Variants in MAP3K14 observed in about 807,000 individuals in gnomAD.
MAP3K14 encodes the protein NF-kappa-beta-inducing kinase.
A neutral mutation model predicts 99.2 loss-of-function variants in MAP3K14; 16 were observed. The observed-to-expected ratio is 0.16, with a 90% CI of 0.11 to 0.24. The LOEUF (loss-of-function observed/expected upper bound fraction) is 0.24. Ranked by LOEUF, MAP3K14 falls within the 10% of genes least tolerant of loss-of-function variation. The pLI is 1.00. For missense variants in MAP3K14, 784 were observed against 1,208.7 expected, an observed-to-expected ratio of 0.65 and a Z score of 5.21; for synonymous variants, 462 against 492.4, an observed-to-expected ratio of 0.94 and a Z score of 0.82.
intron 1 of MAP3K14, among the ~76,000 whole-genome samples, chr17:45,299,958 C>T (rs1051734452): frequency 1.6e-4 from 24 of 151,976 alleles, no homozygotes; most frequent in African/African-American, 4.4e-4. Flanking sequence ...GGCATGGTGG[C>T]GCGTGCCTGT....
At position 45,290,477 on chromosome 17, in the gene MAP3K14, C is replaced by T. The variant is rs754066171; in HGVS notation, c.256+13G>A. The T allele has an allele frequency of 1.2e-6, 2 of 1,613,808 alleles. No homozygotes were observed. Among genetic ancestry groups the T allele is most frequent in the East Asian group, 2.2e-5 (1 of 44,846 alleles). ...CCACCTGCCCCGTGCCCACAACAACCCTAGGCCCCTACACTCAGCCTGGGC... is the reference window on the plus strand; with the variant it reads ...CCACCTGCCCCGTGCCCACAACAACTCTAGGCCCCTACACTCAGCCTGGGC... On this transcript the variant is annotated intron_variant, in intron 2 of 15. Transcript: ENST00000344686.
Position 45,283,509 on chromosome 17 carries a change from A to C in MAP3K14, c.1290+1303T>G, listed in dbSNP as rs867486003. ...ATCCAGCCCAAGTACACACCAGGGA[A>C]GCCGGGTTTATTCACATCCCAGCTG... On this transcript the variant is annotated intron_variant, in intron 6 of 15. Coordinates refer to ENST00000344686, the MANE Select transcript of MAP3K14 (RefSeq NM_003954.5). Among the ~76,000 whole-genome samples, 8 of 152,286 alleles carry C rather than the reference A, an allele frequency of 5.3e-5. No homozygotes were observed. The Middle Eastern group carries it at 0.014, about 259-fold the overall frequency.
At chr17:45,275,937 T>C (rs2044176958) in intron 6 of MAP3K14, among the ~76,000 whole-genome samples, 2 of 151,838 alleles carry the variant, frequency 1.3e-5, no homozygotes, top group Admixed American at 1.3e-4. Flanking sequence ...AATTTTTGTA[T>C]TTTTTAGTAG....
chr17:45,303,590 G>A (rs1319154671), intron 1 of MAP3K14, among the ~76,000 whole-genome samples: 1 of 151,862 alleles, frequency 6.6e-6, no homozygotes, highest in Non-Finnish European at 1.5e-5. Flanking sequence ...CAAAATAATT[G>A]TTCATTGTAA....
In MAP3K14 at chr17:45,267,352, C is replaced by T. The variant is rs998510224; in HGVS notation, c.2326+54G>A. 5.0e-5 allele frequency: 76 copies of T among 1,511,364 alleles called. No homozygotes were observed. Among genetic ancestry groups the T allele is most frequent in the East Asian group, 1.7e-4 (7 of 40,856 alleles). 93.6% of individuals were successfully genotyped at this position (1,511,364 alleles called of 1,614,324 possible). The stretch of plus-strand genomic sequence containing the variant: ...AGGTAAAGAGAAACACCGGCCTCCG[C>T]GGGTGGCCCAGGGCCAGTGCTCAGG... On this transcript the variant is annotated intron_variant, in intron 12 of 15. Coordinates refer to ENST00000344686, the MANE Select transcript of MAP3K14 (RefSeq NM_003954.5). This position sits in a 1 kb window ranked among gnomAD's most constrained non-coding sequence, Gnocchi z 5.1.
chr17:45,305,237 C>G (rs2044422040), intron 1 of MAP3K14, among the ~76,000 whole-genome samples: 1 of 151,826 alleles, frequency 6.6e-6, no homozygotes, highest in South Asian at 2.1e-4. Context: ...AGCGGGACTA[C>G]AGGCACCCGC....
At position 45,271,226 on chromosome 17, in the gene MAP3K14, G is replaced by A; in HGVS notation, c.1658-5C>T. The A allele has an allele frequency of 1.2e-6, 2 of 1,601,548 alleles. No homozygotes were observed. The highest frequency in any genetic ancestry group is 1.7e-6 in the Non-Finnish European group (2 of 1,176,390). ...CTGTGCCAGGGATGTAGTCCCCTGA[G>A]AAGGGGGATGAGACATAAAGTTACC... On this transcript the variant is annotated splice_region_variant and splice_polypyrimidine_tract_variant and intron_variant, in intron 9 of 15. Transcript: ENST00000344686.
chr17:45,270,065 C>G (rs915150895), intron 11 of MAP3K14, among the ~76,000 whole-genome samples: 7 of 152,134 alleles, frequency 4.6e-5, no homozygotes, highest in Non-Finnish European at 1.0e-4. Context: ...TTAGAGGACA[C>G]CAAGCTAGTG....
Position 45,290,783 on chromosome 17 carries a change from C to A in MAP3K14, c.-20-18G>T. 2.5e-6 allele frequency: 4 copies of A among 1,597,832 alleles called. No individual in the cohort carries two copies. The highest frequency in any genetic ancestry group is 3.4e-6 in the Non-Finnish European group (4 of 1,168,712). On this transcript the variant is annotated intron_variant, in intron 1 of 15. Transcript: ENST00000344686. ...TGCTCATCCTGAGAGAGACCAAACA[C>A]AGAGCAGGTCACTTAGAATCCCAGA...
At chr17:45,307,960 C>G (rs1343458055) in intron 1 of MAP3K14, among the ~76,000 whole-genome samples, 2 of 152,208 alleles carry the variant, frequency 1.3e-5, no homozygotes, top group Non-Finnish European at 2.9e-5. Flanking sequence ...ACAAGCTGGA[C>G]CAAGTAACCA....
chr17:45,275,659 C>A (rs2044174134), intron 6 of MAP3K14, among the ~76,000 whole-genome samples: 1 of 151,904 alleles, frequency 6.6e-6, no homozygotes, highest in Non-Finnish European at 1.5e-5. Flanking sequence ...TTTTGCTTAT[C>A]AACATCCATG....
chr17:45,265,226 G>A lies in MAP3K14; in HGVS notation c.2616C>T (p.His872=). The part of the protein sequence containing the change: ...KVQIQSLNGE[H]LHIREFHRVK... ...CCCGGTGGAACTCCCGGATGTGCAG[G>A]TGTTCACCATTAAGAGACTGTATTT... The change falls in exon 15 of 16, where the codon CAC becomes CAT. Residue 872 remains histidine, a synonymous_variant. Transcript: ENST00000344686. The A allele has an allele frequency of 1.2e-6, 2 of 1,613,886 alleles. No homozygotes were observed. Among genetic ancestry groups the A allele is most frequent in the Non-Finnish European group, 1.7e-6 (2 of 1,179,868 alleles).
intron 1 of MAP3K14, among the ~76,000 whole-genome samples, chr17:45,314,350 C>T (rs1019003930): frequency 3.9e-5 from 6 of 152,212 alleles, no homozygotes; most frequent in Middle Eastern, 3.2e-3. Context: ...TGCAGATGCT[C>T]AGCCCCATTC....
intron 6 of MAP3K14, chr17:45,281,816 G>T (rs1415258309): frequency 6.6e-6 from 1 of 151,488 alleles, no homozygotes; most frequent in Non-Finnish European, 1.5e-5. Flanking sequence ...GCTAATATTT[G>T]TATTTTTAGT....
chr17:45,303,093 G>T (rs1277398900), intron 1 of MAP3K14, among the ~76,000 whole-genome samples: 1 of 152,250 alleles, frequency 6.6e-6, no homozygotes, highest in Non-Finnish European at 1.5e-5. Context: ...TGGCCCCCCA[G>T]AGTGAAAAAC....
In MAP3K14 at chr17:45,267,665, C is replaced by T. The variant is rs1312895917; in HGVS notation, c.2067G>A (p.Gln689=). The T allele has an allele frequency of 6.2e-7, 1 of 1,613,796 alleles. No homozygotes were observed. Among genetic ancestry groups the T allele is most frequent in the South Asian group, 1.1e-5 (1 of 91,078 alleles). Residue 689 remains glutamine, a synonymous_variant, in exon 12 of 16, where the codon CAG becomes CAA. Transcript: ENST00000344686. This position sits in a 1 kb window ranked among gnomAD's most constrained non-coding sequence, Gnocchi z 5.1. ...GGGCCCTTGGCGAAAGCTCTCTCGG[C>T]TGGGCATGGAGGGTCTGGTGGTAAT... ...QANYHQTLHA[Q]PRELSPRAPG...
At chr17:45,306,110 G>A (rs990613311) in intron 1 of MAP3K14, among the ~76,000 whole-genome samples, 2 of 152,204 alleles carry the variant, frequency 1.3e-5, no homozygotes, top group Admixed American at 6.5e-5. Flanking sequence ...CCATGTATTA[G>A]GTAATGCGTG....
At chr17:45,307,216 C>T (rs947400496) in intron 1 of MAP3K14, among the ~76,000 whole-genome samples, 1 of 151,698 alleles carries the variant, frequency 6.6e-6, no homozygotes, top group African/African-American at 2.4e-5. Context: ...CGAGATTGTG[C>T]CACTGCACTC....
At chr17:45,277,108 G>T (rs765895411) in intron 6 of MAP3K14, among the ~76,000 whole-genome samples, 4 of 152,078 alleles carry the variant, frequency 2.6e-5, no homozygotes, top group Admixed American at 6.5e-5. Flanking sequence ...GATTACAGGC[G>T]TGAGCCACTG....
Sources: allele counts gnomAD v4.1 joint callset (sites outside exome capture counted in the v4.1 genomes callset), GRCh38; gene constraint gnomAD v4.1.1; non-coding constraint Gnocchi (gnomAD v3.1); transcripts MANE v1.5; gene names NCBI Gene and HGNC (gene_info 2026-07-23, HGNC 2026-07-21).